The following CFAP54 variants were observed in gnomAD, a reference collection of about 807,000 sequenced individuals.
CFAP54 encodes the protein cilia- and flagella-associated protein 54.
A neutral mutation model predicts 370.4 loss-of-function variants in CFAP54; 290 were observed. The observed-to-expected ratio is 0.78, with a 90% CI of 0.71 to 0.86. The LOEUF (loss-of-function observed/expected upper bound fraction) is 0.86. Among genes scored for constraint, CFAP54 ranks in the 40% least tolerant of loss-of-function variants. The probability of loss-of-function intolerance (pLI) is 0.00; values close to 1 mark genes in which losing one functional copy is unlikely to be tolerated. For synonymous variants in CFAP54, 1,206 were observed against 1,236.5 expected (o/e 0.98, Z 0.52); for missense variants, 3,399 against 3,528.7 (o/e 0.96, Z 0.93).
At chr12:96,500,020 A>G (rs1592815223) in intron 1 of CFAP54, among the ~76,000 whole-genome samples, 1 of 152,188 alleles carries the variant, frequency 6.6e-6, no homozygotes, top group South Asian at 2.1e-4. Flanking sequence ...TAGCAGCCTT[A>G]TTCATAATTG....
chr12:96,616,324 G>T (rs1217435047), intron 26 of CFAP54, among the ~76,000 whole-genome samples: 1 of 151,650 alleles, frequency 6.6e-6, no homozygotes, highest in Admixed American at 6.6e-5. Context: ...AGAACACTTG[G>T]ACACAGGAAA....
intron 23 of CFAP54, among the ~76,000 whole-genome samples, chr12:96,590,597 T>C (rs973007372): frequency 2.0e-5 from 3 of 152,218 alleles, no homozygotes; most frequent in African/African-American, 7.2e-5. Flanking sequence ...GCATTTTCTA[T>C]GTACAAGGAT....
intron 66 of CFAP54, among the ~76,000 whole-genome samples, chr12:96,834,319 A>T (rs1020883065): frequency 1.3e-5 from 2 of 152,228 alleles, no homozygotes; most frequent in South Asian, 4.1e-4. Flanking sequence ...ACCTCAGGCT[A>T]GTGGTGCCTT....
chr12:96,654,379 T>A (rs920274033), intron 36 of CFAP54, among the ~76,000 whole-genome samples: 1 of 151,136 alleles, frequency 6.6e-6, no homozygotes, highest in African/African-American at 2.4e-5. Context: ...CGGGCGCCTG[T>A]AGTCCCAGCT....
chr12:96,581,687 T>C (rs992901273), intron 22 of CFAP54, among the ~76,000 whole-genome samples: 11 of 151,772 alleles, frequency 7.2e-5, no homozygotes, highest in Admixed American at 7.2e-4. Flanking sequence ...TATATATATA[T>C]ATACATGCAC....
intron 12 of CFAP54, 122 bp downstream of exon 12, chr12:96,535,722 T>C (rs1383931221): frequency 6.8e-6 from 4 of 589,036 alleles, no homozygotes; most frequent in Non-Finnish European, 1.2e-5. Context: ...TGTTTAATCA[T>C]TAGCATATAG....
intron 22 of CFAP54, among the ~76,000 whole-genome samples, chr12:96,586,216 T>G (rs915428497): frequency 1.3e-5 from 2 of 152,168 alleles, no homozygotes; most frequent in Non-Finnish European, 2.9e-5. Flanking sequence ...TCACTAGGCC[T>G]GAGTTTGGGT....
intron 26 of CFAP54, among the ~76,000 whole-genome samples, chr12:96,614,652 C>G (rs1180407389): frequency 6.6e-6 from 1 of 152,216 alleles, no homozygotes; most frequent in African/African-American, 2.4e-5. Flanking sequence ...AGCTGATAAG[C>G]AACTTCAGCA....
intron 66 of CFAP54, among the ~76,000 whole-genome samples, chr12:96,830,863 A>G (rs1651446252): frequency 6.6e-6 from 1 of 151,926 alleles, no homozygotes; most frequent in South Asian, 2.1e-4. Flanking sequence ...TTTAGTAGCG[A>G]TAGGGTTTCA....
intron 66 of CFAP54, among the ~76,000 whole-genome samples, chr12:96,848,793 T>C (rs538565663): frequency 6.6e-6 from 1 of 152,396 alleles, no homozygotes; most frequent in South Asian, 2.1e-4. Flanking sequence ...TTTAAAGTTT[T>C]ATTAACACAA....
Position 96,521,958 on chromosome 12 carries a change from G to C in CFAP54, c.1044G>C (p.Glu348Asp). Residue 348 changes from glutamate to aspartate, a missense_variant, in exon 7 of 68, where the codon GAG becomes GAC. Coordinates refer to ENST00000524981, the MANE Select transcript of CFAP54 (RefSeq NM_001306084.2). ...SQEESRRYFR[E>D]ATMKMAVMIF... Reference sequence around the variant, plus strand: ...AAGAATCGCGAAGATATTTTCGAGAGGCCACAATGAAGGTATAAAAATTTC... The same window carrying C: ...AAGAATCGCGAAGATATTTTCGAGACGCCACAATGAAGGTATAAAAATTTC... 2 of 1,533,554 alleles carry C rather than the reference G, an allele frequency of 1.3e-6. No homozygotes were observed. The highest frequency in any genetic ancestry group is 1.7e-6 in the Non-Finnish European group (2 of 1,144,824). The allele number at this position is 1,533,554 out of a possible 1,614,324, so 95.0% of individuals were successfully genotyped here.
chr12:96,560,947 A>G (rs1024322208), intron 17 of CFAP54, among the ~76,000 whole-genome samples: 4 of 152,204 alleles, frequency 2.6e-5, no homozygotes, highest in Non-Finnish European at 5.9e-5. Context: ...TCTTTTGTAA[A>G]CAAGAGCTGT....
intron 1 of CFAP54, among the ~76,000 whole-genome samples, chr12:96,491,084 C>T (rs1279343802): frequency 6.6e-6 from 1 of 152,044 alleles, no homozygotes; most frequent in Non-Finnish European, 1.5e-5. Flanking sequence ...GATCCTCCCA[C>T]CTTGACCTCC....
intron 38 of CFAP54, among the ~76,000 whole-genome samples, chr12:96,660,204 A>AGAAT (rs955987786): frequency 2.0e-5 from 3 of 152,176 alleles, no homozygotes; most frequent in African/African-American, 7.2e-5. Context: ...CAAGAGAAAA[A>AGAAT]GAATGGCCCA....
At chr12:96,844,739 C>T (rs1160729876) in intron 66 of CFAP54, among the ~76,000 whole-genome samples, 2 of 152,114 alleles carry the variant, frequency 1.3e-5, no homozygotes, top group African/African-American at 2.4e-5. Flanking sequence ...GTGTCAGAGC[C>T]AGGATCCACA....
chr12:96,493,524 G>A lies in CFAP54; in HGVS notation c.317+3598G>A, dbSNP rs76363313. Reference sequence around the variant, plus strand: ...TTATGGTAATTTAGGAATGATAAATGCAGCTGGGTGCGGTGGCTCACGCCT... The same window carrying A: ...TTATGGTAATTTAGGAATGATAAATACAGCTGGGTGCGGTGGCTCACGCCT... On this transcript the variant is annotated intron_variant, in intron 1 of 67. Coordinates refer to ENST00000524981, the MANE Select transcript of CFAP54 (RefSeq NM_001306084.2). Among the ~76,000 whole-genome samples, 3 of 152,056 alleles carry A rather than the reference G, an allele frequency of 2.0e-5. No homozygotes were observed. The South Asian group carries it at 6.2e-4, about 32-fold the overall frequency.
intron 60 of CFAP54, among the ~76,000 whole-genome samples, chr12:96,766,918 C>G (rs998143524): frequency 3.3e-5 from 5 of 152,192 alleles, no homozygotes; most frequent in African/African-American, 4.8e-5. Context: ...TGTTCTGCTT[C>G]AGGCTGTAGG....
intron 66 of CFAP54, among the ~76,000 whole-genome samples, chr12:96,832,271 TA>T (rs34082481): frequency 0.19 from 23,336 of 122,754 alleles, 2,131 homozygotes; most frequent in Middle Eastern, 0.33. Context: ...TTTTCTTTTG[TA>T]AAAAAAAAAA....
At chr12:96,612,536 C>A (rs961948405) in intron 26 of CFAP54, among the ~76,000 whole-genome samples, 1 of 152,118 alleles carries the variant, frequency 6.6e-6, no homozygotes, top group African/African-American at 2.4e-5. Context: ...TCACACATAG[C>A]AATATTAACC....
Sources: gnomAD v4.1 joint callset for allele counts (sites outside exome capture counted in the v4.1 genomes callset) on GRCh38, gnomAD v4.1.1 for gene constraint, MANE v1.5 for transcripts, NCBI Gene and HGNC (gene_info 2026-07-23, HGNC 2026-07-21) for gene names.